Variants in BCL7A observed in about 807,000 individuals in gnomAD.
The protein encoded by BCL7A is BAF chromatin remodeling complex subunit BCL7A.
Under a neutral mutation model 28.4 loss-of-function variants are expected in BCL7A, and 11 were observed. The ratio of observed to expected loss-of-function variants is 0.39; its 90% CI spans 0.24 to 0.64. BCL7A has a LOEUF of 0.64. Ranked by LOEUF, BCL7A falls within the 30% of genes least tolerant of loss-of-function variation. BCL7A has a pLI of 0.50. For missense variants in BCL7A, 222 were observed against 274.8 expected, an observed-to-expected ratio of 0.81 and a Z score of 1.36; for synonymous variants, 123 against 103.3, an observed-to-expected ratio of 1.19 and a Z score of -1.15.
intron 4 of BCL7A, among the ~76,000 whole-genome samples, chr12:122,046,266 G>A (rs74803140): frequency 7.2e-5 from 11 of 152,080 alleles, no homozygotes; most frequent in East Asian, 1.9e-4. Flanking sequence ...GTGGCTGAGC[G>A]GGTCTGGGGA....
chr12:122,025,266 G>C (rs892005387), intron 1 of BCL7A, among the ~76,000 whole-genome samples: 2 of 151,946 alleles, frequency 1.3e-5, no homozygotes, highest in African/African-American at 4.8e-5. Context: ...GGGAGGCTGA[G>C]ACAGGAGGAT....
intron 3 of BCL7A, among the ~76,000 whole-genome samples, chr12:122,039,051 T>C (rs1156410934): frequency 1.3e-5 from 2 of 151,980 alleles, no homozygotes; most frequent in South Asian, 2.1e-4. Context: ...AGTCCCAGCA[T>C]TCTGGGAGGC....
chr12:122,040,964 T>C (rs77405015), intron 3 of BCL7A, among the ~76,000 whole-genome samples: 41,347 of 151,972 alleles, frequency 0.27, 5,871 homozygotes, highest in East Asian at 0.36. Flanking sequence ...CGCGTGTGCT[T>C]GCCATAGGAA....
intron 5 of BCL7A, 116 bp downstream of exon 5, chr12:122,055,042 TTGGAAC>T (rs1223351584): frequency 6.3e-7 from 1 of 1,582,454 alleles, no homozygotes; most frequent in East Asian, 2.2e-5. Flanking sequence ...CGTTGGACCA[TTGGAAC>T]TGTCATTTGT....
intron 4 of BCL7A, among the ~76,000 whole-genome samples, chr12:122,047,134 C>T (rs1308505582): frequency 1.3e-5 from 2 of 151,538 alleles, no homozygotes; most frequent in Non-Finnish European, 2.9e-5. Context: ...AATCTCCTGA[C>T]CTCGGGATCC....
intron 1 of BCL7A, among the ~76,000 whole-genome samples, chr12:122,022,874 C>G (rs1014897973): frequency 6.6e-6 from 1 of 151,322 alleles, no homozygotes; most frequent in Non-Finnish European, 1.5e-5. Context: ...GGGGCGCCCA[C>G]GTCCCACCCC....
rs1951910328 is a variant in BCL7A, at chr12:122,060,309, T to G, written c.*1146T>G. ...TCTGAGCCAACAGCTGGACCGTGTC[T>G]CATCCCCAGAACATGCCGTCTGTCC... On this transcript the variant is annotated 3_prime_UTR_variant, in exon 6 of 6. Transcript: ENST00000261822. 1 of 232,792 alleles carries G rather than the reference T, an allele frequency of 4.3e-6. No individual in the cohort carries two copies. The highest frequency in any genetic ancestry group is 2.2e-5 in the African/African-American group (1 of 45,294). 14.4% of individuals were successfully genotyped at this position (232,792 alleles called of 1,614,324 possible).
intron 3 of BCL7A, among the ~76,000 whole-genome samples, chr12:122,037,820 G>A (rs890504371): frequency 1.6e-4 from 25 of 151,936 alleles, no homozygotes; most frequent in Non-Finnish European, 3.1e-4. Flanking sequence ...GTGGGGGCGC[G>A]TGCCTGTAAT....
intron 2 of BCL7A, 85 bp from the exon 3 acceptor site, chr12:122,035,246 T>G (rs946836287): frequency 1.6e-6 from 2 of 1,285,100 alleles, no homozygotes; most frequent in African/African-American, 1.5e-5. Flanking sequence ...GAATAAAATA[T>G]TCACACCACT....
rs950340443 is a variant in BCL7A at position 122,043,990 on chromosome 12, G to A, written c.376G>A (p.Asp126Asn). 15 of 1,613,798 alleles carry A rather than the reference G, an allele frequency of 9.3e-6. No individual in the cohort carries two copies. Among genetic ancestry groups the A allele is most frequent in the South Asian group, 3.3e-5 (3 of 91,082 alleles). The change falls in exon 4 of 6, where the codon GAC becomes AAC. Residue 126 changes from aspartate to asparagine, a missense_variant. Transcript: ENST00000261822. ...AGAGCCCAACTCGGCTGTGCCCAGC[G>A]ACGGCACCGAGGCCAAGGTGGATGA... ...APEPNSAVPSDGTEAKVDEAQ... is the reference protein window; with the variant it reads ...APEPNSAVPSNGTEAKVDEAQ...
chr12:122,031,320 G>T (rs563035542), intron 2 of BCL7A, among the ~76,000 whole-genome samples: 6 of 151,874 alleles, frequency 4.0e-5, no homozygotes, highest in Non-Finnish European at 5.9e-5. Flanking sequence ...GAACCAGTGC[G>T]CCCGGCCTGC....
intron 2 of BCL7A, among the ~76,000 whole-genome samples, chr12:122,033,891 G>A (rs1414051834): frequency 6.6e-6 from 1 of 151,920 alleles, no homozygotes; most frequent in Non-Finnish European, 1.5e-5. Context: ...CATTCCCCTC[G>A]CCTGCCCCGG....
chr12:122,023,135 T>C (rs573553352), intron 1 of BCL7A, among the ~76,000 whole-genome samples: 12 of 152,316 alleles, frequency 7.9e-5, no homozygotes, highest in African/African-American at 2.9e-4. Context: ...TTCCGCGGCC[T>C]CGTCGGGGTC....
At chr12:122,054,717 C>T (rs1884272655) in intron 4 of BCL7A, 88 bp from the exon 5 acceptor site, 36 of 1,363,726 alleles carry the variant, frequency 2.6e-5, no homozygotes, top group Admixed American at 7.9e-5. Flanking sequence ...CAAAACTACC[C>T]GATTCAAGGT....
intron 1 of BCL7A, among the ~76,000 whole-genome samples, chr12:122,025,300 C>G (rs1883596579): frequency 2.0e-5 from 3 of 150,688 alleles, no homozygotes; most frequent in South Asian, 2.1e-4. Flanking sequence ...GAGTTTGAGA[C>G]CAGCCTGGGT....
intron 1 of BCL7A, among the ~76,000 whole-genome samples, chr12:122,023,060 T>C (rs1593019647): frequency 6.6e-6 from 1 of 152,204 alleles, no homozygotes; most frequent in Non-Finnish European, 1.5e-5. Flanking sequence ...CGGCCGCGCG[T>C]GGTTTTCGGG....
At chr12:122,024,212 C>A (rs976328712) in intron 1 of BCL7A, among the ~76,000 whole-genome samples, 1 of 152,214 alleles carries the variant, frequency 6.6e-6, no homozygotes, top group Admixed American at 6.5e-5. Context: ...CTCTGAAGAC[C>A]TCAGGCTTTG....
rs116243380 is a variant in BCL7A, at chr12:122,038,637, C to T, written c.271+3210C>T. 6.9e-3 allele frequency among the ~76,000 whole-genome samples: 1,055 copies of T among 152,010 alleles called. 10 individuals carry two copies. The highest frequency in any genetic ancestry group is 0.024 in the African/African-American group (991 of 41,452). On this transcript the variant is annotated intron_variant, in intron 3 of 5. Coordinates refer to ENST00000261822, the MANE Select transcript of BCL7A (RefSeq NM_001024808.3). Reference sequence around the variant, plus strand: ...CTGGGGACTGGGGAGACCCCACGCCCGACTCAGGACTGAGGTTGGATTACA... The same window carrying T: ...CTGGGGACTGGGGAGACCCCACGCCTGACTCAGGACTGAGGTTGGATTACA...
chr12:122,023,032 G>A (rs546621060), intron 1 of BCL7A, among the ~76,000 whole-genome samples: 1 of 152,292 alleles, frequency 6.6e-6, no homozygotes, highest in Admixed American at 6.5e-5. Flanking sequence ...CTGCACCGGG[G>A]AGAGGGGGAC....
Sources: gnomAD v4.1 joint callset for allele counts (sites outside exome capture counted in the v4.1 genomes callset) on GRCh38, gnomAD v4.1.1 for gene constraint, MANE v1.5 for transcripts, NCBI Gene and HGNC (gene_info 2026-07-23, HGNC 2026-07-21) for gene names.